Variants in CYLC1 observed in about 807,000 individuals in gnomAD.
CYLC1 encodes the protein cylicin 1.
CYLC1 carries 2 observed loss-of-function variants against 31.6 expected under a neutral mutation model. The observed-to-expected ratio is 0.06, with a 90% CI of 0.03 to 0.20. The LOEUF is 0.20. Among genes scored for constraint, CYLC1 ranks in the 10% least tolerant of loss-of-function variants. CYLC1 has a pLI of 1.00. For missense variants in CYLC1, 595 were observed against 424.1 expected (o/e 1.40, Z -3.54); for synonymous variants, 185 against 153.0 (o/e 1.21, Z -1.54).
chrX:83,885,264 AG>A (rs2031965626), intron 4 of CYLC1, among the ~76,000 whole-genome samples: 2 of 110,603 alleles, frequency 1.8e-5, no homozygotes, highest in Non-Finnish European at 3.8e-5. Flanking sequence ...ATAGAAAAAA[AG>A]AATGAACTGT....
chrX:83,873,245 A>G lies in CYLC1; in HGVS notation c.537A>G (p.Ser179=). The G allele has an allele frequency of 5.8e-6, 7 of 1,201,227 alleles. No individual in the cohort carries two copies. Among genetic ancestry groups the G allele is most frequent in the Non-Finnish European group, 7.9e-6 (7 of 890,038 alleles). Residue 179 remains serine (S), a synonymous_variant, in exon 4 of 5, where the codon TCA becomes TCG. Coordinates refer to ENST00000329312, the MANE Select transcript of CYLC1 (RefSeq NM_021118.3). ...AATCCAAGAAGTCAAAATCCAGTTC[A>G]GAAACTAATCCAGAATCCCAAAATT... The part of the protein sequence containing the change: ...NEQSKKSKSS[S]ETNPESQNSK...
chrX:83,879,739 A>T (rs1485141317), intron 4 of CYLC1, among the ~76,000 whole-genome samples: 1 of 58,114 alleles, frequency 1.7e-5, no homozygotes, highest in Non-Finnish European at 5.2e-5. Context: ...ACACACAGAC[A>T]CATACACACA....
intron 1 of CYLC1, among the ~76,000 whole-genome samples, chrX:83,861,646 A>T (rs2031510184): frequency 8.9e-6 from 1 of 111,887 alleles, no homozygotes; most frequent in African/African-American, 3.2e-5. Flanking sequence ...AAGTGCAGTA[A>T]GTTTATTTTT....
intron 4 of CYLC1, among the ~76,000 whole-genome samples, chrX:83,876,239 C>T (rs1454006496): frequency 9.0e-6 from 1 of 110,523 alleles, no homozygotes; most frequent in South Asian, 3.8e-4. Context: ...TGCTTTGAGA[C>T]TCAAAGTTGA....
rs747930174 is a variant in CYLC1, at chrX:83,886,594, G to A, written c.*10G>A. ...TCATAAGCTGCTTTAAAGAACAACT[G>A]AGCACTTGGTTTCACAGAATGGCCT... On this transcript the variant is annotated 3_prime_UTR_variant, in exon 5 of 5. Transcript: ENST00000329312. 3.3e-6 allele frequency: 4 copies of A among 1,201,909 alleles called. No homozygotes were observed. The East Asian group carries it at 1.2e-4, about 36-fold the overall frequency.
At chrX:83,874,994 C>T (rs1042018738) in intron 4 of CYLC1, among the ~76,000 whole-genome samples, 1 of 110,587 alleles carries the variant, frequency 9.0e-6, no homozygotes, top group East Asian at 2.9e-4. Context: ...CAGATTTAAG[C>T]GAGATATAAA....
rs747538839 is a variant in CYLC1 at position 83,874,028 on chromosome X, T to C, written c.1320T>C (p.Asp440=). The C allele has an allele frequency of 4.2e-6, 5 of 1,197,296 alleles. No individual in the cohort carries two copies. The highest frequency in any genetic ancestry group is 3.0e-5 in the East Asian group (1 of 33,456). ...KTDNKKSVKN[D]EESTDADSEP... is the part of the protein sequence containing the mutation. ...ATAATAAAAAGTCTGTCAAGAATGA[T>C]GAAGAGTCTACTGATGCTGACTCTG... is the stretch of plus-strand genomic sequence containing the variant. The change falls in exon 4 of 5, where the codon GAT becomes GAC. Residue 440 remains aspartate (D), a synonymous_variant. Transcript: ENST00000329312.
chrX:83,861,303 C>G, intron 1 of CYLC1, 104 bp downstream of exon 1: 1 of 569,280 alleles, frequency 1.8e-6, no homozygotes, highest in Non-Finnish European at 2.7e-6. Flanking sequence ...CTTTCATAGT[C>G]GTTTTATTTA....
intron 4 of CYLC1, among the ~76,000 whole-genome samples, chrX:83,880,996 G>A (rs2031899826): frequency 9.0e-6 from 1 of 111,260 alleles, no homozygotes; most frequent in Non-Finnish European, 1.9e-5. Context: ...CTCAATACTG[G>A]GCAATTGATT....
chrX:83,877,904 A>C (rs1057180616), intron 4 of CYLC1, among the ~76,000 whole-genome samples: 1 of 21,002 alleles, frequency 4.8e-5, no homozygotes, highest in South Asian at 2.4e-3. Flanking sequence ...ATACAAATAT[A>C]TATAAATATA....
At position 83,861,848 on chromosome X, in the gene CYLC1, A is replaced by G. The variant is rs745842265; in HGVS notation, c.17+649A>G. ...TTACACCTACCAGATAATATCCCAT[A>G]TATATTAAATTGAACTATATGAGAT... On this transcript the variant is annotated intron_variant, in intron 1 of 4. Transcript: ENST00000329312. Among the ~76,000 whole-genome samples the G allele has an allele frequency of 2.4e-3, 269 of 111,415 alleles. 2 individuals are homozygous for G. The highest frequency in any genetic ancestry group is 8.4e-3 in the African/African-American group (259 of 30,717).
intron 3 of CYLC1, 133 bp downstream of exon 3, chrX:83,871,703 A>C: frequency 1.8e-6 from 1 of 553,865 alleles, no homozygotes; most frequent in Non-Finnish European, 2.7e-6. Context: ...TTCTCTGTAC[A>C]ACAGACTGCC....
rs747753036 is a variant in CYLC1 at position 83,882,701 on chromosome X, C to T, written c.1924-3851C>T. 3.6e-5 allele frequency among the ~76,000 whole-genome samples: 4 copies of T among 110,653 alleles called. No individual in the cohort carries two copies. In the East Asian group the frequency reaches 8.6e-4, roughly 24 times the overall value. ...ATGGCTCAGTTATTAGACCTCAACT[C>T]TTCTCTATATACTCTGGGAGCATTA... On this transcript the variant is annotated intron_variant, in intron 4 of 4. Coordinates refer to ENST00000329312, the MANE Select transcript of CYLC1 (RefSeq NM_021118.3).
At chrX:83,881,446 C>T (rs943915179) in intron 4 of CYLC1, among the ~76,000 whole-genome samples, 4 of 108,979 alleles carry the variant, frequency 3.7e-5, no homozygotes, top group Non-Finnish European at 7.6e-5. Flanking sequence ...TTAGTTGTGC[C>T]TGCCTGAAAG....
At chrX:83,883,696 G>A (rs1438442748) in intron 4 of CYLC1, among the ~76,000 whole-genome samples, 1 of 111,680 alleles carries the variant, frequency 9.0e-6, no homozygotes, top group Non-Finnish European at 1.9e-5. Flanking sequence ...AAAGTAAGCT[G>A]CATGATGACA....
chrX:83,870,844 A>T (rs1404117733), intron 2 of CYLC1, among the ~76,000 whole-genome samples: 1 of 111,081 alleles, frequency 9.0e-6, no homozygotes. Flanking sequence ...TGATCACCCT[A>T]TTCTTGTCCT....
rs1399157428 is a variant in CYLC1 at position 83,873,331 on chromosome X, A to T, written c.623A>T (p.Lys208Met). 4.2e-6 allele frequency: 5 copies of T among 1,201,971 alleles called. No homozygotes were observed. The highest frequency in any genetic ancestry group is 5.6e-6 in the Non-Finnish European group (5 of 890,016). The change falls in exon 4 of 5, where the codon AAG becomes ATG. Residue 208 changes from lysine (K) to methionine (M), a missense_variant. Coordinates refer to ENST00000329312, the MANE Select transcript of CYLC1 (RefSeq NM_021118.3). ...AAGAAAGATTCAAAGAATTCCAAGA[A>T]GACAAACACTGAATTCCTACATACA... ...KDKKDSKNSK[K>M]TNTEFLHTKN...
At chrX:83,866,993 A>G (rs1326552583) in intron 1 of CYLC1, among the ~76,000 whole-genome samples, 1 of 111,260 alleles carries the variant, frequency 9.0e-6, no homozygotes, top group African/African-American at 3.3e-5. Flanking sequence ...TCCTCAACTG[A>G]ATATCCAAGT....
intron 1 of CYLC1, among the ~76,000 whole-genome samples, chrX:83,864,220 G>A (rs912910577): frequency 8.9e-6 from 1 of 111,735 alleles, no homozygotes; most frequent in Non-Finnish European, 1.9e-5. Flanking sequence ...ACAAGTACCA[G>A]ATGTTAGAAC....
Sources: allele counts gnomAD v4.1 joint callset (sites outside exome capture counted in the v4.1 genomes callset), GRCh38; gene constraint gnomAD v4.1.1; transcripts MANE v1.5; gene names NCBI Gene and HGNC (gene_info 2026-07-23, HGNC 2026-07-21).